DACH1: variants seen among roughly 807,000 people sequenced by gnomAD.
DACH1 encodes the protein dachshund homolog 1.
Under a neutral mutation model 54.2 loss-of-function variants are expected in DACH1, and 12 were observed. That is an observed-to-expected ratio of 0.22 (90% CI 0.14 to 0.36). The LOEUF is 0.36. DACH1 is among the 10% of genes least tolerant of loss of function. The pLI is 1.00. For missense variants in DACH1, 805 were observed against 929.8 expected (o/e 0.87, Z 1.75); for synonymous variants, 386 against 366.2 (o/e 1.05, Z -0.62).
chr13:71,671,171 T>A (rs1341142563), intron 2 of DACH1, among the ~76,000 whole-genome samples: 1 of 152,002 alleles, frequency 6.6e-6, no homozygotes, highest in East Asian at 1.9e-4. Context: ...TTATATTATA[T>A]TCAATAATTG....
Position 71,841,735 on chromosome 13 carries a change from T to G in DACH1, c.848+24187A>C, listed in dbSNP as rs183279497. Among the ~76,000 whole-genome samples the G allele has an allele frequency of 1.2e-4, 19 of 152,282 alleles. No individual in the cohort carries two copies. In the East Asian group the frequency reaches 2.7e-3, roughly 22 times the overall value. On this transcript the variant is annotated intron_variant, in intron 1 of 10. Transcript: ENST00000613252. ...GAAAAACAATCTGCACTTTCTAAGG[T>G]CACTGAAGAGCTGCTGCCAGTAAGT... is the stretch of plus-strand genomic sequence containing the variant.
chr13:71,527,220 G>A (rs1181076561), intron 6 of DACH1, among the ~76,000 whole-genome samples: 2 of 151,388 alleles, frequency 1.3e-5, no homozygotes, highest in African/African-American at 2.4e-5. Context: ...AATATCTTTG[G>A]TTATTCTTGA....
At chr13:71,476,322 A>G (rs1033111683) in intron 8 of DACH1, among the ~76,000 whole-genome samples, 9 of 152,344 alleles carry the variant, frequency 5.9e-5, no homozygotes, top group Admixed American at 1.3e-4. Flanking sequence ...CGCTTTGGAA[A>G]GCAATGTTAG....
At chr13:71,791,702 T>G (rs1265298806) in intron 1 of DACH1, among the ~76,000 whole-genome samples, 2 of 152,168 alleles carry the variant, frequency 1.3e-5, no homozygotes, top group African/African-American at 4.8e-5. Context: ...GAACTATTCT[T>G]AAAAGTACTA....
At chr13:71,840,970 T>TA (rs1157581587) in intron 1 of DACH1, among the ~76,000 whole-genome samples, 1 of 152,196 alleles carries the variant, frequency 6.6e-6, no homozygotes, top group Non-Finnish European at 1.5e-5. Context: ...ATTATGATGA[T>TA]ACAGTTGTTT....
At chr13:71,511,454 G>A (rs1216037191) in intron 6 of DACH1, among the ~76,000 whole-genome samples, 2 of 151,904 alleles carry the variant, frequency 1.3e-5, no homozygotes, top group Non-Finnish European at 2.9e-5. Context: ...ACAATACAGA[G>A]TGGAGGAAAA....
Position 71,479,294 on chromosome 13 carries a change from T to C in DACH1, c.1745A>G (p.Asp582Gly), listed in dbSNP as rs1391646093. 7 of 1,613,374 alleles carry C rather than the reference T, an allele frequency of 4.3e-6. No individual in the cohort carries two copies. The highest frequency in any genetic ancestry group is 5.9e-6 in the Non-Finnish European group (7 of 1,179,740). Residue 582 changes from aspartate to glycine, a missense_variant, in exon 8 of 11, where the codon GAT (aspartate) becomes GGT (glycine). Coordinates refer to ENST00000613252, the MANE Select transcript of DACH1 (RefSeq NM_080759.6). ...CTGTTTCTCTTGAGCTCTGGCATTA[T>C]CTATGGCAACTTTCAACAGCCCCTG... ...NIQGLLKVAI[D>G]NARAQEKQVQ...
intron 1 of DACH1, among the ~76,000 whole-genome samples, chr13:71,740,347 T>G (rs996471836): frequency 5.3e-5 from 8 of 152,174 alleles, no homozygotes; most frequent in African/African-American, 1.9e-4. Context: ...TTTCAAGAAC[T>G]CTTTCCTTTA....
chr13:71,691,692 T>C (rs530688880), intron 1 of DACH1, among the ~76,000 whole-genome samples: 1 of 152,206 alleles, frequency 6.6e-6, no homozygotes, highest in Admixed American at 6.5e-5. Context: ...CTGTAGCAGA[T>C]TTGCATGTTA....
At chr13:71,588,614 A>C (rs1299597793) in intron 3 of DACH1, among the ~76,000 whole-genome samples, 1 of 152,078 alleles carries the variant, frequency 6.6e-6, no homozygotes, top group African/African-American at 2.4e-5. Context: ...AGGAACAGAC[A>C]AATGATAGTC....
intron 10 of DACH1, among the ~76,000 whole-genome samples, chr13:71,459,799 T>C (rs1032387920): frequency 1.3e-5 from 2 of 152,140 alleles, no homozygotes; most frequent in Admixed American, 6.6e-5. Flanking sequence ...AGTCACCTAA[T>C]ATTGCTAAAA....
At chr13:71,658,440 C>T (rs535248335) in intron 2 of DACH1, among the ~76,000 whole-genome samples, 6 of 152,182 alleles carry the variant, frequency 3.9e-5, no homozygotes, top group Admixed American at 2.6e-4. Context: ...ATCCCAGGTA[C>T]TTGGCAGGCT....
chr13:71,851,989 C>T (rs939939208), intron 1 of DACH1, among the ~76,000 whole-genome samples: 1 of 152,132 alleles, frequency 6.6e-6, no homozygotes. Flanking sequence ...TTAAACTACA[C>T]GTTTACATGG....
intron 3 of DACH1, among the ~76,000 whole-genome samples, chr13:71,586,624 T>C (rs1227631678): frequency 6.6e-6 from 1 of 152,100 alleles, no homozygotes; most frequent in Non-Finnish European, 1.5e-5. Flanking sequence ...CAATATATAA[T>C]ATATCGTGTA....
chr13:71,580,804 C>T (rs1303439847), intron 3 of DACH1, among the ~76,000 whole-genome samples: 6 of 152,098 alleles, frequency 3.9e-5, no homozygotes, highest in Admixed American at 3.9e-4. Context: ...TTCCTGTGCA[C>T]CAGCAGCGCC....
chr13:71,578,036 A>C (rs1326428805), intron 3 of DACH1, among the ~76,000 whole-genome samples: 1 of 152,210 alleles, frequency 6.6e-6, no homozygotes, highest in Non-Finnish European at 1.5e-5. Flanking sequence ...AACTAAAGTG[A>C]TCTGTAAAAT....
At chr13:71,558,951 T>A (rs952922522) in intron 5 of DACH1, among the ~76,000 whole-genome samples, 1 of 152,040 alleles carries the variant, frequency 6.6e-6, no homozygotes, top group African/African-American at 2.4e-5. Flanking sequence ...ATAACTTAAA[T>A]AAACTTTGTA....
At chr13:71,852,015 G>A (rs1223964364) in intron 1 of DACH1, among the ~76,000 whole-genome samples, 1 of 152,194 alleles carries the variant, frequency 6.6e-6, no homozygotes, top group Non-Finnish European at 1.5e-5. Context: ...GTACCAATGA[G>A]TATGTTTCAT....
At chr13:71,701,773 G>T (rs533762935) in intron 1 of DACH1, among the ~76,000 whole-genome samples, 13 of 152,080 alleles carry the variant, frequency 8.5e-5, no homozygotes, top group African/African-American at 3.1e-4. Flanking sequence ...AATTAATTCA[G>T]AGTAATAAAA....
Sources: allele counts gnomAD v4.1 joint callset (sites outside exome capture counted in the v4.1 genomes callset), GRCh38; gene constraint gnomAD v4.1.1; transcripts MANE v1.5; gene names NCBI Gene and HGNC (gene_info 2026-07-23, HGNC 2026-07-21).